The following NUMBL variants were observed in gnomAD, a reference collection of about 807,000 sequenced individuals.
The protein encoded by NUMBL is numb-like protein.
Under a neutral mutation model 48.9 loss-of-function variants are expected in NUMBL, and 20 were observed. That is an observed-to-expected ratio of 0.41 (90% CI 0.29 to 0.59). The LOEUF (loss-of-function observed/expected upper bound fraction) is 0.59, where lower values mean the gene tolerates loss of function less well. NUMBL is among the 20% of genes least tolerant of loss of function. NUMBL has a pLI of 0.31. For synonymous variants in NUMBL, 340 were observed against 348.7 expected (o/e 0.98, Z 0.28); for missense variants, 660 against 846.2 (o/e 0.78, Z 2.73).
chr19:40,681,095 C>T (rs1382898398), intron 5 of NUMBL, 38 bp from the exon 6 acceptor site: 2 of 1,609,386 alleles, frequency 1.2e-6, no homozygotes, highest in African/African-American at 2.7e-5. Flanking sequence ...AGAGTGTGAA[C>T]TCTCTTTCAA....
rs202219464 is a variant in NUMBL, at chr19:40,675,866, AT to A, written c.730+1365del. On this transcript the variant is annotated intron_variant, in intron 7 of 9. Coordinates refer to ENST00000252891, the MANE Select transcript of NUMBL (RefSeq NM_004756.5). The stretch of plus-strand genomic sequence containing the variant: ...TCTCTATTTCATTGTTTTTAAATTA[AT>A]TTTTTTTTTTTTGAGACAGGGTCTC... Among the ~76,000 whole-genome samples, 587 of 145,850 alleles carry A rather than the reference AT, an allele frequency of 4.0e-3. 5 individuals are homozygous for A. Among genetic ancestry groups the A allele is most frequent in the African/African-American group, 0.01 (415 of 40,084 alleles).
Position 40,667,397 on chromosome 19 carries a change from G to A in NUMBL, c.*71C>T. ...GGCGCAGCCCCAGGGAGCAGGGTTA[G>A]GGGAGAGGTTGTGCCTCCACCCCCA... On this transcript the variant is annotated 3_prime_UTR_variant, in exon 10 of 10. Coordinates refer to ENST00000252891, the MANE Select transcript of NUMBL (RefSeq NM_004756.5). This position sits in a 1 kb window ranked among gnomAD's most constrained non-coding sequence, Gnocchi z 6.1. 6.4e-7 allele frequency: 1 copy of A among 1,560,006 alleles called. No homozygotes were observed. Among genetic ancestry groups the A allele is most frequent in the Admixed American group, 1.9e-5 (1 of 51,900 alleles).
intron 5 of NUMBL, among the ~76,000 whole-genome samples, chr19:40,681,592 T>A (rs1253989754): frequency 6.6e-6 from 1 of 152,184 alleles, no homozygotes; most frequent in Non-Finnish European, 1.5e-5. Flanking sequence ...TCCTTCTGAC[T>A]GGGCAGGGTG....
At chr19:40,670,082 T>C (rs911338310) in intron 8 of NUMBL, 62 bp from the exon 9 acceptor site, 2 of 1,567,304 alleles carry the variant, frequency 1.3e-6, no homozygotes, top group Non-Finnish European at 1.7e-6. Context: ...AGCCCCGCCC[T>C]CTACCCCCCG....
At chr19:40,670,538 G>A (rs78642338) in intron 8 of NUMBL, among the ~76,000 whole-genome samples, 1,629 of 152,014 alleles carry the variant, frequency 0.011, 32 homozygotes, top group African/African-American at 0.037. Flanking sequence ...CAGGCATGGC[G>A]GCCCCGTGAG....
At chr19:40,670,213 G>A (rs1298574948) in intron 8 of NUMBL, among the ~76,000 whole-genome samples, 193 bp from the exon 9 acceptor site, 2 of 152,212 alleles carry the variant, frequency 1.3e-5, no homozygotes, top group Non-Finnish European at 2.9e-5. Context: ...GACTGAGTTA[G>A]TGTGTGACAT....
Position 40,667,657 on chromosome 19 carries a change from A to G in NUMBL, c.1641T>C (p.Ser547=). ...AGAFPPPAIP[S]APGSQARPRP... ...GAGGGCGGGCCTGGCTCCCAGGGGC[A>G]CTGGGTATGGCAGGGGGCGGGAAGG... Residue 547 remains serine, a synonymous_variant, in exon 10 of 10, where the codon AGT becomes AGC. Coordinates refer to ENST00000252891, the MANE Select transcript of NUMBL (RefSeq NM_004756.5). This position sits in a 1 kb window ranked among gnomAD's most constrained non-coding sequence, Gnocchi z 6.1. The G allele has an allele frequency of 2.6e-6, 4 of 1,564,316 alleles. No homozygotes were observed. The highest frequency in any genetic ancestry group is 1.7e-6 in the Non-Finnish European group (2 of 1,154,462).
intron 2 of NUMBL, 68 bp downstream of exon 2, chr19:40,686,843 T>C: frequency 1.0e-6 from 1 of 960,544 alleles, no homozygotes. Flanking sequence ...CAGGGACAGC[T>C]CCTCTGGTCG....
intron 6 of NUMBL, among the ~76,000 whole-genome samples, chr19:40,679,653 G>A (rs1344945820): frequency 2.0e-5 from 3 of 152,176 alleles, no homozygotes; most frequent in Non-Finnish European, 4.4e-5. Flanking sequence ...ACTCCAGCCT[G>A]GGTAACAAGA....
At chr19:40,681,718 G>C (rs2081906267) in intron 5 of NUMBL, among the ~76,000 whole-genome samples, 1 of 152,062 alleles carries the variant, frequency 6.6e-6, no homozygotes, top group Non-Finnish European at 1.5e-5. Context: ...TGTCACCCAG[G>C]CTAGAGTGCA....
At position 40,687,394 on chromosome 19, in the gene NUMBL, C is replaced by T. The variant is rs903719035; in HGVS notation, c.25-399G>A. On this transcript the variant is annotated intron_variant, in intron 1 of 9. Transcript: ENST00000252891. The surrounding 1 kb of genome is among the most constrained non-coding windows in gnomAD (Gnocchi z 4.6). ...GCAATCACAGCTACACACCTCAGAT[C>T]GCAGATACACAGAAACAGTCCCAAA... 6.6e-5 allele frequency among the ~76,000 whole-genome samples: 10 copies of T among 152,184 alleles called. No homozygotes were observed. Among genetic ancestry groups the T allele is most frequent in the African/African-American group, 2.2e-4 (9 of 41,432 alleles).
At chr19:40,672,532 C>T (rs938038063) in intron 8 of NUMBL, among the ~76,000 whole-genome samples, 41 of 152,228 alleles carry the variant, frequency 2.7e-4, no homozygotes, top group Admixed American at 1.1e-3. Flanking sequence ...TGCCCCTGAC[C>T]CCTGGGATCT....
At position 40,684,419 on chromosome 19, in the gene NUMBL, TGACCGG is replaced by T; in HGVS notation, c.241_246del (p.Pro81_Val82del). On this transcript the variant is annotated inframe_deletion, in exon 3 of 10. Transcript: ENST00000252891. ...CGCACCCTGCCGCGCCCACTCACCC[TGACCGG>T]GAAGCTGCACGTGCCCTTCCGCACC... The T allele has an allele frequency of 6.4e-7, 1 of 1,562,852 alleles. No homozygotes were observed. Among genetic ancestry groups the T allele is most frequent in the South Asian group, 1.2e-5 (1 of 85,840 alleles).
At position 40,665,915 on chromosome 19, in the gene NUMBL, CTATAACGAAACAAAATTTATATGTTATA is replaced by C. The variant is rs1172288246; in HGVS notation, c.*1525_*1552del. The C allele has an allele frequency of 6.6e-6, 1 of 152,138 alleles. No individual in the cohort carries two copies. Among genetic ancestry groups the C allele is most frequent in the Non-Finnish European group, 1.5e-5 (1 of 68,024 alleles). 9.4% of individuals were successfully genotyped at this position (152,138 alleles called of 1,614,324 possible). The stretch of plus-strand genomic sequence containing the variant: ...AAATCAACCACCTCATTTTAAAGAG[CTATAACGAAACAAAATTTATATGTTATA>C]TATTTTTAAAAATACATCTTATAGA... On this transcript the variant is annotated 3_prime_UTR_variant, in exon 10 of 10. Transcript: ENST00000252891.
rs771826337 is a variant in NUMBL, at chr19:40,682,955, A to G, written c.263T>C (p.Val88Ala). Residue 88 changes from valine to alanine, a missense_variant, in exon 4 of 10, where the codon GTG becomes GCG. By Grantham distance (64) the Val-to-Ala change is moderately conservative. Coordinates refer to ENST00000252891, the MANE Select transcript of NUMBL (RefSeq NM_004756.5). This position sits in a 1 kb window ranked among gnomAD's most constrained non-coding sequence, Gnocchi z 4.0. ...CSFPVRYLGHVEVEESRGMHV... is the reference protein window; with the variant it reads ...CSFPVRYLGHAEVEESRGMHV... Reference sequence around the variant, plus strand: ...CATTCCCCGGGACTCCTCTACCTCCACGTGACCCAGGTACTTGGGTTGGAG... The same window carrying G: ...CATTCCCCGGGACTCCTCTACCTCCGCGTGACCCAGGTACTTGGGTTGGAG... 2 of 1,600,656 alleles carry G rather than the reference A, an allele frequency of 1.2e-6. No individual in the cohort carries two copies. The highest frequency in any genetic ancestry group is 1.7e-6 in the Non-Finnish European group (2 of 1,172,494).
rs752962959 is a variant in NUMBL, at chr19:40,667,969, TTGCTGCTGCTGCTGCTGC to T, written c.1311_1328del (p.Gln441_Gln446del). 18 of 1,471,352 alleles carry T rather than the reference TTGCTGCTGCTGCTGCTGC, an allele frequency of 1.2e-5. No homozygotes were observed. Among genetic ancestry groups the T allele is most frequent in the African/African-American group, 1.0e-4 (4 of 38,986 alleles). 91.1% of individuals were successfully genotyped at this position (1,471,352 alleles called of 1,614,324 possible). A position where few individuals can be genotyped will look rare whatever the true frequency, so the allele number is the denominator to read the frequency against. The stretch of plus-strand genomic sequence containing the variant: ...GGGCCACTGAGGCTGCTTGCTGCTG[TTGCTGCTGCTGCTGCTGC>T]TGCTGTTGCTGTTGCTGCTGCTGCT... On this transcript the variant is annotated inframe_deletion, in exon 10 of 10. Transcript: ENST00000252891. This position sits in a 1 kb window ranked among gnomAD's most constrained non-coding sequence, Gnocchi z 6.1.
chr19:40,677,181 G>A (rs1202345508), intron 7 of NUMBL, 51 bp downstream of exon 7: 1 of 1,534,408 alleles, frequency 6.5e-7, no homozygotes, highest in Admixed American at 2.0e-5. Flanking sequence ...CCCTGATACT[G>A]GGTACCCTGT....
intron 6 of NUMBL, among the ~76,000 whole-genome samples, chr19:40,678,048 C>G (rs1249854755): frequency 6.6e-6 from 1 of 152,146 alleles, no homozygotes; most frequent in East Asian, 1.9e-4. Context: ...TCTCTCAGTT[C>G]TAACGCTGAA....
At position 40,673,419 on chromosome 19, in the gene NUMBL, G is replaced by A; in HGVS notation, c.961C>T (p.Arg321Trp). 2 of 1,613,370 alleles carry A rather than the reference G, an allele frequency of 1.2e-6. No homozygotes were observed. The highest frequency in any genetic ancestry group is 1.7e-6 in the Non-Finnish European group (2 of 1,179,722). Residue 321 changes from arginine (R) to tryptophan (W), a missense_variant, in exon 8 of 10, where the codon CGG (arginine) becomes TGG (tryptophan). This residue lies in a region of NUMBL where 278 missense variants were observed against 420.6 expected (regional missense o/e 0.66). Transcript: ENST00000252891. The surrounding 1 kb of genome is among the most constrained non-coding windows in gnomAD (Gnocchi z 5.9). ...TCATTCAGCCGTAGGCTCAGCTGCC[G>A]TTTGAAAGGCGAGTTCTTCTGGCTG... ...ALSQKNSPFK[R>W]QLSLRLNELP...
Sources: gnomAD v4.1 joint callset for allele counts (sites outside exome capture counted in the v4.1 genomes callset) on GRCh38, gnomAD v4.1.1 for gene constraint, gnomAD v4.1.1 regional missense constraint, Gnocchi (gnomAD v3.1) non-coding constraint, MANE v1.5 for transcripts, NCBI Gene and HGNC (gene_info 2026-07-23, HGNC 2026-07-21) for gene names.